EML6: variants seen among roughly 807,000 people sequenced by gnomAD.
EML6 encodes EMAP like 6, also known as echinoderm microtubule-associated protein-like 6.
Under a neutral mutation model 240.1 loss-of-function variants are expected in EML6, and 154 were observed. The observed-to-expected ratio is 0.64, with a 90% CI of 0.56 to 0.73. EML6 has a LOEUF of 0.73. Among genes scored for constraint, EML6 ranks in the 30% least tolerant of loss-of-function variants. The pLI, the probability that EML6 is intolerant of heterozygous loss-of-function variation, is 0.00. For missense variants in EML6, 2,964 were observed against 2,474.6 expected, an observed-to-expected ratio of 1.20 and a Z score of -4.20; for synonymous variants, 1,148 against 899.0, an observed-to-expected ratio of 1.28 and a Z score of -4.95.
At chr2:54,810,762 A>G (rs959667971) in intron 2 of EML6, among the ~76,000 whole-genome samples, 4 of 152,086 alleles carry the variant, frequency 2.6e-5, no homozygotes, top group Admixed American at 2.0e-4. Context: ...TGTTCCAGGA[A>G]CTGTTTAGAG....
At position 54,916,822 on chromosome 2, in the gene EML6, C is replaced by A; in HGVS notation, c.3562C>A (p.Pro1188Thr). 3.2e-6 allele frequency: 5 copies of A among 1,549,774 alleles called. No homozygotes were observed. The highest frequency in any genetic ancestry group is 4.4e-6 in the Non-Finnish European group (5 of 1,145,370). ...VLGPTCEGIWPAHSDITDVNA... is the reference protein window; with the variant it reads ...VLGPTCEGIWTAHSDITDVNA... ...GGGGCCCACCTGTGAGGGAATCTGG[C>A]CAGCACATAGCGATATAACTGACGT... Residue 1188 changes from proline to threonine, a missense_variant, in exon 26 of 42, where the codon CCA (proline) becomes ACA (threonine). Pro to Thr is a conservative substitution (Grantham distance 38). Transcript: ENST00000356458.
chr2:54,894,542 G>T, intron 19 of EML6, among the ~76,000 whole-genome samples: 1 of 152,096 alleles, frequency 6.6e-6, no homozygotes. Flanking sequence ...AATCCATTTG[G>T]TCAGAGTATG....
At chr2:54,945,748 A>T (rs1573195539) in intron 28 of EML6, among the ~76,000 whole-genome samples, 1 of 152,200 alleles carries the variant, frequency 6.6e-6, no homozygotes, top group South Asian at 2.1e-4. Context: ...AGGGACAAGT[A>T]CCCAGGCATT....
intron 2 of EML6, among the ~76,000 whole-genome samples, chr2:54,782,471 A>C (rs1668894481): frequency 1.3e-5 from 2 of 152,210 alleles, no homozygotes; most frequent in Non-Finnish European, 2.9e-5. Flanking sequence ...TATTTTCCTG[A>C]ATCAAATTCA....
chr2:54,933,425 G>A (rs1447133404), intron 28 of EML6, among the ~76,000 whole-genome samples: 1 of 151,938 alleles, frequency 6.6e-6, no homozygotes, highest in Non-Finnish European at 1.5e-5. Context: ...CTCTTAAAAT[G>A]GCCCCATTTA....
At position 54,950,168 on chromosome 2, in the gene EML6, T is replaced by G. The variant is rs10496035; in HGVS notation, c.4084-482T>G. Among the ~76,000 whole-genome samples, 555 of 152,164 alleles carry G rather than the reference T, an allele frequency of 3.6e-3. 3 individuals are homozygous for G. The highest frequency in any genetic ancestry group is 0.013 in the African/African-American group (536 of 41,450). On this transcript the variant is annotated intron_variant, in intron 29 of 41. Transcript: ENST00000356458. ...TTTTGGGGGAAAAAAATGGCAAATA[T>G]GTAGCAACTTTGTAGAGCAAGCACC... is the stretch of plus-strand genomic sequence containing the variant.
Position 54,844,097 on chromosome 2 carries a change from A to C in EML6, c.898A>C (p.Thr300Pro). ...GAAAGCAGACCGCCTTCTAGCAGGG[A>C]CCCAGGACAGTGAGATATTTGAAGT... is the stretch of plus-strand genomic sequence containing the variant. The part of the protein sequence containing the change: ...CWKADRLLAG[T>P]QDSEIFEVIV... Residue 300 changes from threonine (T) to proline (P), a missense_variant, in exon 8 of 42, where the codon ACC (threonine) becomes CCC (proline). Physicochemically the swap from Thr to Pro is conservative, Grantham distance 38. Coordinates refer to ENST00000356458, the MANE Select transcript of EML6 (RefSeq NM_001039753.4). 1 of 1,551,240 alleles carries C rather than the reference A, an allele frequency of 6.4e-7. No individual in the cohort carries two copies. The highest frequency in any genetic ancestry group is 8.7e-7 in the Non-Finnish European group (1 of 1,146,926).
In EML6 at chr2:54,911,003, A is replaced by G; in HGVS notation, c.3459A>G (p.Glu1153=). 1.7e-5 allele frequency: 26 copies of G among 1,542,022 alleles called. No individual in the cohort carries two copies. The highest frequency in any genetic ancestry group is 2.3e-5 in the Non-Finnish European group (26 of 1,139,964). Reference sequence around the variant, plus strand: ...GTGCCAGAGAACAACTTTTTTTTGAAGCTCCAAGAGGCAAACGGCATATAA... The same window carrying G: ...GTGCCAGAGAACAACTTTTTTTTGAGGCTCCAAGAGGCAAACGGCATATAA... The part of the protein sequence containing the change: ...NSGAREQLFF[E]APRGKRHIIR... Residue 1153 remains glutamate, a synonymous_variant, in exon 25 of 42, where the codon GAA becomes GAG. Transcript: ENST00000356458.
intron 19 of EML6, among the ~76,000 whole-genome samples, chr2:54,893,227 CT>C (rs2104116020): frequency 1.3e-5 from 2 of 152,286 alleles, no homozygotes; most frequent in East Asian, 3.9e-4. Flanking sequence ...AAAGATTACA[CT>C]TACCTTCTCT....
chr2:54,926,810 C>T (rs1370539758), intron 26 of EML6, among the ~76,000 whole-genome samples: 2 of 152,090 alleles, frequency 1.3e-5, no homozygotes, highest in Admixed American at 1.3e-4. Context: ...CTTTTTTCCC[C>T]TCTGCAACCT....
At chr2:54,951,611 A>G (rs1273718270) in intron 30 of EML6, among the ~76,000 whole-genome samples, 1 of 152,188 alleles carries the variant, frequency 6.6e-6, no homozygotes, top group Non-Finnish European at 1.5e-5. Flanking sequence ...CATTTCAAAC[A>G]AAAAGAACCA....
At position 54,961,208 on chromosome 2, in the gene EML6, C is replaced by G. The variant is rs533760226; in HGVS notation, c.4968+874C>G. On this transcript the variant is annotated intron_variant, in intron 35 of 41. Coordinates refer to ENST00000356458, the MANE Select transcript of EML6 (RefSeq NM_001039753.4). ...AGTTTTTTTTTTTTTTTTTTTGAGA[C>G]GGAGTCTTGCTCTGTTGCCCAGGGG... 8.9e-4 allele frequency among the ~76,000 whole-genome samples: 3 copies of G among 3,356 alleles called. No homozygotes were observed. In the Admixed American group the frequency reaches 0.012, roughly 13 times the overall value. 2.2% of individuals were successfully genotyped at this position (3,356 alleles called of 152,430 possible).
intron 2 of EML6, among the ~76,000 whole-genome samples, chr2:54,766,267 A>G (rs150338255): frequency 2.0e-5 from 3 of 152,346 alleles, no homozygotes; most frequent in African/African-American, 7.2e-5. Context: ...AATTGTCCCA[A>G]TAATGTCCTT....
chr2:54,885,247 C>G (rs1317176101), intron 17 of EML6, among the ~76,000 whole-genome samples: 1 of 151,964 alleles, frequency 6.6e-6, no homozygotes, highest in African/African-American at 2.4e-5. Flanking sequence ...GAGTTTGAGA[C>G]CAGCCTGACC....
At chr2:54,838,404 T>A (rs575932019) in intron 7 of EML6, among the ~76,000 whole-genome samples, 1 of 152,366 alleles carries the variant, frequency 6.6e-6, no homozygotes, top group African/African-American at 2.4e-5. Context: ...ATCTCCACTT[T>A]ACAGATGGAG....
intron 26 of EML6, among the ~76,000 whole-genome samples, chr2:54,926,570 A>T (rs1203903722): frequency 6.6e-6 from 1 of 152,238 alleles, no homozygotes; most frequent in Non-Finnish European, 1.5e-5. Context: ...TTTCCTCCGT[A>T]GGCCCTGCCG....
intron 17 of EML6, among the ~76,000 whole-genome samples, chr2:54,890,741 G>T (rs1275735268): frequency 3.9e-5 from 6 of 152,098 alleles, no homozygotes; most frequent in Admixed American, 2.0e-4. Context: ...ACAATTACTT[G>T]CAACCCCACA....
intron 21 of EML6, among the ~76,000 whole-genome samples, chr2:54,896,780 G>T (rs1204704233): frequency 6.6e-6 from 1 of 152,124 alleles, no homozygotes; most frequent in Non-Finnish European, 1.5e-5. Flanking sequence ...ACTGTATCAT[G>T]GAAACACATG....
At chr2:54,843,688 C>G (rs1239749321) in intron 7 of EML6, among the ~76,000 whole-genome samples, 1 of 151,744 alleles carries the variant, frequency 6.6e-6, no homozygotes, top group African/African-American at 2.4e-5. Context: ...ACTAAAAATA[C>G]AAAAATTAGC....
Sources: allele counts gnomAD v4.1 joint callset (sites outside exome capture counted in the v4.1 genomes callset), GRCh38; gene constraint gnomAD v4.1.1; transcripts MANE v1.5; gene names NCBI Gene and HGNC (gene_info 2026-07-23, HGNC 2026-07-21).